Variants in PCDH15 observed in about 807,000 individuals in gnomAD.
PCDH15 encodes protocadherin related 15, also known as protocadherin-15.
A neutral mutation model predicts 178.5 loss-of-function variants in PCDH15; 129 were observed. The ratio of observed to expected loss-of-function variants is 0.72; its 90% CI spans 0.63 to 0.84. PCDH15 has a LOEUF of 0.84. Ranked by LOEUF, PCDH15 falls within the 40% of genes least tolerant of loss-of-function variation. PCDH15 has a pLI of 0.00. For missense variants in PCDH15, 2,230 were observed against 2,099.9 expected (o/e 1.06, Z -1.21); for synonymous variants, 800 against 732.0 (o/e 1.09, Z -1.50).
rs141050822 is a variant in PCDH15 at position 55,365,746 on chromosome 10, A to G, written c.-155-199095T>C. Among the ~76,000 whole-genome samples the G allele has an allele frequency of 3.0e-4, 46 of 152,194 alleles. No individual in the cohort carries two copies. The East Asian group carries it at 8.5e-3, about 28-fold the overall frequency. ...GACATGCCTTTCACCTTCCGCCATG[A>G]CTGTGAGGCTTCCCCAGCCATGTGG... On this transcript the variant is annotated intron_variant, in intron 2 of 5. Coordinates refer to the PCDH15 transcript ENST00000613346.
intron 1 of PCDH15, among the ~76,000 whole-genome samples, chr10:54,705,161 T>C (rs1360536355): frequency 6.6e-6 from 1 of 152,086 alleles, no homozygotes; most frequent in African/African-American, 2.4e-5. Flanking sequence ...GAGACACTGA[T>C]GCCTACTTGA....
intron 1 of PCDH15, among the ~76,000 whole-genome samples, chr10:54,776,317 T>C (rs894713419): frequency 5.3e-5 from 8 of 152,180 alleles, no homozygotes; most frequent in Non-Finnish European, 1.2e-4. Flanking sequence ...ATGATCATTT[T>C]AATTTAAGGA....
chr10:55,591,752 G>A (rs564400589), intron 2 of PCDH15, among the ~76,000 whole-genome samples: 148 of 152,124 alleles, frequency 9.7e-4, no homozygotes, highest in African/African-American at 3.4e-3. Context: ...ACTGCACTGT[G>A]TGTCCTTTTC....
At chr10:53,866,325 G>A (rs1221587279) in intron 27 of PCDH15, among the ~76,000 whole-genome samples, 1 of 151,768 alleles carries the variant, frequency 6.6e-6, no homozygotes, top group Admixed American at 6.6e-5. Flanking sequence ...TTAAACATGA[G>A]CTTTGAAGAC....
intron 2 of PCDH15, among the ~76,000 whole-genome samples, chr10:55,081,111 G>A (rs1353162066): frequency 6.6e-6 from 1 of 152,078 alleles, no homozygotes; most frequent in African/African-American, 2.4e-5. Flanking sequence ...GATTGCAGCC[G>A]TCAATAGTGG....
chr10:55,426,014 A>G (rs1458999010), intron 2 of PCDH15, among the ~76,000 whole-genome samples: 1 of 152,232 alleles, frequency 6.6e-6, no homozygotes, highest in Non-Finnish European at 1.5e-5. Flanking sequence ...TGACTTGGAA[A>G]AATTCTAATA....
At chr10:55,301,842 G>A (rs2132278819) in intron 1 of PCDH15, among the ~76,000 whole-genome samples, 1 of 152,142 alleles carries the variant, frequency 6.6e-6, no homozygotes, top group African/African-American at 2.4e-5. Flanking sequence ...TTATTAAAAA[G>A]GCTATCTTTC....
intron 3 of PCDH15, among the ~76,000 whole-genome samples, chr10:54,478,487 A>C (rs2078445661): frequency 6.6e-6 from 1 of 152,144 alleles, no homozygotes. Context: ...CAAGTTTGAA[A>C]CTGAATGCTC....
At chr10:55,478,577 T>A (rs149413481) in intron 2 of PCDH15, among the ~76,000 whole-genome samples, 2 of 151,244 alleles carry the variant, frequency 1.3e-5, no homozygotes, top group Non-Finnish European at 3.0e-5. Flanking sequence ...GAGCTAATGT[T>A]GTACCTCAAG....
chr10:55,273,051 G>A (rs1842487428), intron 1 of PCDH15, among the ~76,000 whole-genome samples: 1 of 152,038 alleles, frequency 6.6e-6, no homozygotes, highest in Admixed American at 6.6e-5. Flanking sequence ...CAAGCAGATT[G>A]TTGCACTGTG....
intron 2 of PCDH15, among the ~76,000 whole-genome samples, chr10:55,119,116 T>C (rs538338572): frequency 1.1e-3 from 161 of 152,274 alleles, no homozygotes; most frequent in African/African-American, 3.6e-3. Context: ...TTGCATGTCC[T>C]TTGATGCATG....
chr10:55,061,384 T>C (rs1299219108), intron 2 of PCDH15, among the ~76,000 whole-genome samples: 3 of 152,112 alleles, frequency 2.0e-5, no homozygotes, highest in Non-Finnish European at 4.4e-5. Context: ...TTTGGAATGG[T>C]CAAAACCCAG....
chr10:54,030,757 T>C (rs555574862), intron 18 of PCDH15, among the ~76,000 whole-genome samples: 1 of 152,174 alleles, frequency 6.6e-6, no homozygotes, highest in South Asian at 2.1e-4. Context: ...TATGCATTTA[T>C]ATCCCTCAGA....
chr10:55,544,468 A>G (rs1256788431), intron 2 of PCDH15, among the ~76,000 whole-genome samples: 1 of 152,024 alleles, frequency 6.6e-6, no homozygotes, highest in Non-Finnish European at 1.5e-5. Context: ...CTGTTCTCCA[A>G]AATCTTCTCT....
chr10:54,012,978 G>T (rs1253361029), intron 20 of PCDH15, among the ~76,000 whole-genome samples: 1 of 151,998 alleles, frequency 6.6e-6, no homozygotes, highest in Non-Finnish European at 1.5e-5. Flanking sequence ...GCTGGATAAA[G>T]AAGCAAGGAC....
chr10:54,605,741 G>T (rs1398569356), intron 2 of PCDH15: 1 of 152,104 alleles, frequency 6.6e-6, no homozygotes, highest in African/African-American at 2.4e-5. Flanking sequence ...CTGGGGAAAA[G>T]AACTATGGCA....
intron 2 of PCDH15, among the ~76,000 whole-genome samples, chr10:55,451,972 T>A (rs1226505038): frequency 6.6e-6 from 1 of 152,200 alleles, no homozygotes; most frequent in Non-Finnish European, 1.5e-5. Context: ...CAGTTATATC[T>A]GAATAGTTAT....
At chr10:54,926,761 C>T (rs748009880) in intron 2 of PCDH15, among the ~76,000 whole-genome samples, 8 of 151,812 alleles carry the variant, frequency 5.3e-5, no homozygotes, top group African/African-American at 1.5e-4. Flanking sequence ...TAATATTCTC[C>T]GATGGTTATC....
At chr10:54,821,304 C>T (rs1415437931) in intron 3 of PCDH15, among the ~76,000 whole-genome samples, 1 of 151,916 alleles carries the variant, frequency 6.6e-6, no homozygotes, top group Non-Finnish European at 1.5e-5. Context: ...TGAGCACAAC[C>T]TTATGTCAAA....
Sources: gnomAD v4.1 joint callset for allele counts (sites outside exome capture counted in the v4.1 genomes callset) on GRCh38, gnomAD v4.1.1 for gene constraint, MANE v1.5 for transcripts, NCBI Gene and HGNC (gene_info 2026-07-23, HGNC 2026-07-21) for gene names.